The following PHACTR3 variants were observed in gnomAD, a reference collection of about 807,000 sequenced individuals.
The protein encoded by PHACTR3 is phosphatase and actin regulator 3.
Under a neutral mutation model 66.8 loss-of-function variants are expected in PHACTR3, and 16 were observed. The observed-to-expected ratio is 0.24, with a 90% confidence interval of 0.16 to 0.36. The LOEUF (loss-of-function observed/expected upper bound fraction) is 0.36, where lower values mean the gene tolerates loss of function less well. PHACTR3 is among the 10% of genes least tolerant of loss of function. The pLI, the probability that PHACTR3 is intolerant of heterozygous loss-of-function variation, is 1.00. For synonymous variants in PHACTR3, 323 were observed against 292.1 expected, an observed-to-expected ratio of 1.11 and a Z score of -1.08; for missense variants, 647 against 719.9, an observed-to-expected ratio of 0.90 and a Z score of 1.16.
intron 1 of PHACTR3, among the ~76,000 whole-genome samples, chr20:59,591,867 A>ATACAGTAGG (rs2033191095): frequency 6.6e-6 from 1 of 152,162 alleles, no homozygotes; most frequent in Non-Finnish European, 1.5e-5. Context: ...AATATAAAGA[A>ATACAGTAGG]TACAGTAGGA....
chr20:59,615,766 C>T (rs2034005175), intron 1 of PHACTR3, among the ~76,000 whole-genome samples: 1 of 152,186 alleles, frequency 6.6e-6, no homozygotes, highest in African/African-American at 2.4e-5. Flanking sequence ...AGGCTGGAAA[C>T]CTTCACTTAT....
intron 3 of PHACTR3, among the ~76,000 whole-genome samples, chr20:59,752,447 C>G (rs1450394703): frequency 1.3e-5 from 2 of 151,226 alleles, no homozygotes; most frequent in African/African-American, 4.8e-5. Context: ...CCCCCAACCC[C>G]TCCCCAACCA....
At position 59,693,445 on chromosome 20, in the gene PHACTR3, A is replaced by C. The variant is rs138162365; in HGVS notation, c.119-49662A>C. On this transcript the variant is annotated intron_variant, in intron 1 of 12. Coordinates refer to ENST00000371015, the MANE Select transcript of PHACTR3 (RefSeq NM_080672.5). ...TTGGGACAGTGATGTTTGACTTCAC[A>C]TCTATTCATGTGCTCTCACTGAGCT... is the stretch of plus-strand genomic sequence containing the variant. 1.3e-3 allele frequency among the ~76,000 whole-genome samples: 202 copies of C among 152,292 alleles called. 2 individuals carry two copies. Among genetic ancestry groups the C allele is most frequent in the African/African-American group, 4.6e-3 (191 of 41,566 alleles).
chr20:59,608,283 C>G (rs1386562399), intron 1 of PHACTR3, among the ~76,000 whole-genome samples: 1 of 152,074 alleles, frequency 6.6e-6, no homozygotes, highest in Non-Finnish European at 1.5e-5. Context: ...AATATTTCCC[C>G]TAGGCCTGAC....
chr20:59,836,287 T>C, intron 8 of PHACTR3: 1 of 541,370 alleles, frequency 1.8e-6, no homozygotes, highest in South Asian at 2.5e-5. Flanking sequence ...AGGACTAGTC[T>C]AGTATTAGCT....
chr20:59,629,162 C>T (rs757217382), intron 1 of PHACTR3, among the ~76,000 whole-genome samples: 10 of 152,274 alleles, frequency 6.6e-5, no homozygotes, highest in Non-Finnish European at 1.5e-4. Flanking sequence ...CCTGAAGTGG[C>T]ATGGGCGACG....
At chr20:59,781,383 G>A (rs8117315) in intron 7 of PHACTR3, among the ~76,000 whole-genome samples, 10 of 152,314 alleles carry the variant, frequency 6.6e-5, no homozygotes, top group Middle Eastern at 6.8e-3. Flanking sequence ...GGTAACCCAC[G>A]GCGCCCAGCC....
intron 1 of PHACTR3, among the ~76,000 whole-genome samples, chr20:59,728,051 A>G (rs1298756205): frequency 6.6e-6 from 1 of 152,196 alleles, no homozygotes; most frequent in Non-Finnish European, 1.5e-5. Context: ...CACAAAATTA[A>G]CTATTTTAAA....
chr20:59,695,234 C>T (rs978775919), intron 1 of PHACTR3, among the ~76,000 whole-genome samples: 2 of 152,106 alleles, frequency 1.3e-5, no homozygotes, highest in Admixed American at 6.5e-5. Flanking sequence ...AATCTCATGT[C>T]GAATTGTAAT....
At chr20:59,836,635 T>C in intron 9 of PHACTR3, 75 bp downstream of exon 9, 5 of 1,452,174 alleles carry the variant, frequency 3.4e-6, no homozygotes, top group South Asian at 1.2e-5. Context: ...TGAGTTCCCA[T>C]AACCCAGCCC....
chr20:59,732,229 C>T (rs900014928), intron 1 of PHACTR3, among the ~76,000 whole-genome samples: 14 of 152,132 alleles, frequency 9.2e-5, no homozygotes, highest in African/African-American at 2.2e-4. Context: ...TGGGAAACAC[C>T]GGTGTCATGC....
At chr20:59,692,677 T>C (rs550094244) in intron 1 of PHACTR3, among the ~76,000 whole-genome samples, 1 of 152,206 alleles carries the variant, frequency 6.6e-6, no homozygotes, top group African/African-American at 2.4e-5. Context: ...AAAGGCCTGG[T>C]TCCCTGCTAG....
At chr20:59,757,168 C>T (rs1460377461) in intron 4 of PHACTR3, among the ~76,000 whole-genome samples, 1 of 152,228 alleles carries the variant, frequency 6.6e-6, no homozygotes. Context: ...TTGTGTGTGG[C>T]CTGTGAGCCT....
chr20:59,720,451 G>A (rs1353916308), intron 1 of PHACTR3, among the ~76,000 whole-genome samples: 1 of 152,184 alleles, frequency 6.6e-6, no homozygotes, highest in East Asian at 1.9e-4. Context: ...GGGTAGTCCA[G>A]TAATTTTATC....
intron 1 of PHACTR3, among the ~76,000 whole-genome samples, chr20:59,725,264 G>A (rs1046013261): frequency 9.2e-5 from 14 of 151,854 alleles, no homozygotes; most frequent in African/African-American, 3.4e-4. Flanking sequence ...CAGGTGTCCT[G>A]TGTGCTCAGG....
At chr20:59,821,735 A>G (rs1340528868) in intron 8 of PHACTR3, among the ~76,000 whole-genome samples, 1 of 152,158 alleles carries the variant, frequency 6.6e-6, no homozygotes, top group Admixed American at 6.5e-5. Flanking sequence ...TTAGGTAGCA[A>G]TGATTTCTAA....
intron 1 of PHACTR3, among the ~76,000 whole-genome samples, chr20:59,651,052 G>T (rs2035443882): frequency 1.3e-5 from 2 of 151,346 alleles, no homozygotes; most frequent in Non-Finnish European, 1.5e-5. Context: ...TGTGTGTGTT[G>T]AAACTGTTAA....
intron 1 of PHACTR3, among the ~76,000 whole-genome samples, chr20:59,740,617 C>T (rs1473407516): frequency 1.3e-5 from 2 of 152,248 alleles, no homozygotes. Flanking sequence ...TATGACCACA[C>T]TGAGTCCTCC....
intron 1 of PHACTR3, among the ~76,000 whole-genome samples, chr20:59,655,597 C>T (rs764668803): frequency 6.6e-6 from 1 of 151,808 alleles, no homozygotes; most frequent in Non-Finnish European, 1.5e-5. Context: ...TTCAAAGAAC[C>T]AACTCTTTAT....
Sources: allele counts gnomAD v4.1 joint callset (sites outside exome capture counted in the v4.1 genomes callset), GRCh38; gene constraint gnomAD v4.1.1; transcripts MANE v1.5; gene names NCBI Gene and HGNC (gene_info 2026-07-23, HGNC 2026-07-21).